Variants in TMC1 observed in about 807,000 individuals in gnomAD.
TMC1 encodes the protein transmembrane channel like 1.
Under a neutral mutation model 105.8 loss-of-function variants are expected in TMC1, and 84 were observed. That is an observed-to-expected ratio of 0.79 (90% CI 0.67 to 0.95). The LOEUF (loss-of-function observed/expected upper bound fraction) is 0.95. Ranked by LOEUF, TMC1 falls within the 40% of genes least tolerant of loss-of-function variation. TMC1 has a pLI of 0.00. For synonymous variants in TMC1, 315 were observed against 311.5 expected (o/e 1.01, Z -0.12); for missense variants, 817 against 914.1 (o/e 0.89, Z 1.37).
intron 2 of TMC1, among the ~76,000 whole-genome samples, chr9:72,601,634 G>C (rs1824817454): frequency 6.6e-6 from 1 of 152,170 alleles, no homozygotes; most frequent in Admixed American, 6.5e-5. Flanking sequence ...GACAGAGTGA[G>C]ACCCTGTCTC....
intron 1 of TMC1, among the ~76,000 whole-genome samples, chr9:72,564,677 A>C (rs115564813): frequency 0.039 from 5,972 of 152,276 alleles, 160 homozygotes; most frequent in Middle Eastern, 0.088. Context: ...ATTTGCCTAG[A>C]CATTTAGTGG....
intron 8 of TMC1, among the ~76,000 whole-genome samples, chr9:72,720,783 A>G (rs1436823056): frequency 1.3e-5 from 2 of 152,166 alleles, no homozygotes. Flanking sequence ...TGGTCTTTTC[A>G]TCTCTTTCTA....
intron 3 of TMC1, among the ~76,000 whole-genome samples, 200 bp from the exon 4 acceptor site, chr9:72,627,721 T>C (rs1825374939): frequency 1.3e-5 from 2 of 152,198 alleles, no homozygotes; most frequent in Admixed American, 1.3e-4. Context: ...AGAGGCCACG[T>C]AGCATGCATT....
At position 72,732,714 on chromosome 9, in the gene TMC1, G is replaced by A. The variant is rs543250648; in HGVS notation, c.363-7405G>A. On this transcript the variant is annotated intron_variant, in intron 8 of 23. Transcript: ENST00000297784. ...CATGAGGTAACACTGGTGTTATCCTGGGGAAACTGGGAGCACTGAGCTCAA... is the reference window on the plus strand; with the variant it reads ...CATGAGGTAACACTGGTGTTATCCTAGGGAAACTGGGAGCACTGAGCTCAA... Among the ~76,000 whole-genome samples the A allele has an allele frequency of 3.6e-4, 55 of 152,276 alleles. No individual in the cohort carries two copies. In the South Asian group the frequency reaches 5.4e-3, roughly 15 times the overall value.
chr9:72,525,844 C>T (rs1372703392), intron 1 of TMC1, among the ~76,000 whole-genome samples: 3 of 152,040 alleles, frequency 2.0e-5, no homozygotes, highest in African/African-American at 7.2e-5. Flanking sequence ...AAAAATTAGC[C>T]GGGCGTGGTG....
intron 3 of TMC1, among the ~76,000 whole-genome samples, chr9:72,626,547 C>T (rs1825351130): frequency 6.6e-6 from 1 of 152,120 alleles, no homozygotes; most frequent in Non-Finnish European, 1.5e-5. Context: ...TGCAAGGAGA[C>T]AGAGAAGGAG....
chr9:72,766,859 A>T (rs72733064), intron 12 of TMC1, among the ~76,000 whole-genome samples: 5,921 of 152,216 alleles, frequency 0.039, 177 homozygotes, highest in Non-Finnish European at 0.056. Context: ...AAAATAAAAT[A>T]AAAAAAACTC....
chr9:72,592,080 C>A (rs928012539), intron 2 of TMC1, among the ~76,000 whole-genome samples: 4 of 151,986 alleles, frequency 2.6e-5, no homozygotes, highest in African/African-American at 9.7e-5. Flanking sequence ...AGCAAAAAAA[C>A]CATCTGATGT....
rs61673540 is a variant in TMC1, at chr9:72,545,137, T to TAC, written c.-428+23248_-428+23249dup. 6.0e-3 allele frequency among the ~76,000 whole-genome samples: 889 copies of TAC among 148,162 alleles called. 3 individuals carry two copies. Among genetic ancestry groups the TAC allele is most frequent in the East Asian group, 0.034 (167 of 4,982 alleles). Reference sequence around the variant, plus strand: ...TGAGTAGTATTTCATGATATATATATACACACACACACACACACACACACA... The same window carrying TAC: ...TGAGTAGTATTTCATGATATATATATACACACACACACACACACACACACACA... On this transcript the variant is annotated intron_variant, in intron 1 of 23. Transcript: ENST00000297784.
chr9:72,725,878 G>A (rs1827116059), intron 8 of TMC1, among the ~76,000 whole-genome samples: 1 of 151,998 alleles, frequency 6.6e-6, no homozygotes, highest in Non-Finnish European at 1.5e-5. Context: ...TTTTAGTAGA[G>A]ACAGGGTTTC....
chr9:72,550,004 T>C (rs1414793384), intron 1 of TMC1, among the ~76,000 whole-genome samples: 1 of 151,614 alleles, frequency 6.6e-6, no homozygotes. Context: ...TACCTCGGCT[T>C]CCCAAAGTGC....
At chr9:72,706,085 T>A (rs1344756872) in intron 8 of TMC1, among the ~76,000 whole-genome samples, 1 of 152,236 alleles carries the variant, frequency 6.6e-6, no homozygotes, top group African/African-American at 2.4e-5. Context: ...TATTTTGTTT[T>A]ATTTTTTAGT....
At chr9:72,770,443 G>C (rs1453582413) in intron 12 of TMC1, among the ~76,000 whole-genome samples, 1 of 139,178 alleles carries the variant, frequency 7.2e-6, no homozygotes, top group Non-Finnish European at 1.5e-5. Context: ...TTTTGAGACG[G>C]GGTCTCACTT....
At chr9:72,775,219 CT>C (rs1827988151) in intron 13 of TMC1, among the ~76,000 whole-genome samples, 1 of 151,926 alleles carries the variant, frequency 6.6e-6, no homozygotes, top group Non-Finnish European at 1.5e-5. Flanking sequence ...AAGTCCTTCC[CT>C]TTTCTTCTTC....
intron 1 of TMC1, 32 bp from the exon 2 acceptor site, chr9:72,577,870 T>G (rs1824410918): frequency 6.6e-6 from 1 of 152,068 alleles, no homozygotes; most frequent in South Asian, 2.1e-4. Context: ...AGTTTATTCT[T>G]TATTTATATT....
chr9:72,551,386 A>G (rs1249686115), intron 1 of TMC1, among the ~76,000 whole-genome samples: 2 of 152,220 alleles, frequency 1.3e-5, no homozygotes, highest in African/African-American at 4.8e-5. Context: ...CAAAAAATAC[A>G]GAAACAAAGC....
chr9:72,562,648 T>TATCCC (rs1824077655), intron 1 of TMC1, among the ~76,000 whole-genome samples: 1 of 152,262 alleles, frequency 6.6e-6, no homozygotes, highest in Non-Finnish European at 1.5e-5. Flanking sequence ...GTTCCCTAGT[T>TATCCC]ATCCCATACA....
At chr9:72,593,849 C>T (rs952669248) in intron 2 of TMC1, among the ~76,000 whole-genome samples, 15 of 152,274 alleles carry the variant, frequency 9.9e-5, no homozygotes, top group Admixed American at 9.2e-4. Context: ...GTTGCAGCCT[C>T]GTTGGTGGCA....
chr9:72,659,985 A>G (rs1825949437), intron 5 of TMC1, among the ~76,000 whole-genome samples: 1 of 152,000 alleles, frequency 6.6e-6, no homozygotes, highest in African/African-American at 2.4e-5. Context: ...ATATGACATC[A>G]TTTTCTACCC....
Sources: gnomAD v4.1 joint callset for allele counts (sites outside exome capture counted in the v4.1 genomes callset) on GRCh38, gnomAD v4.1.1 for gene constraint, MANE v1.5 for transcripts, NCBI Gene and HGNC (gene_info 2026-07-23, HGNC 2026-07-21) for gene names.